VWA8: variants seen among roughly 807,000 people sequenced by gnomAD.
VWA8 encodes the protein von Willebrand factor A domain-containing protein 8.
In VWA8, 221 loss-of-function variants were observed where a neutral mutation model predicts 241.5. The observed-to-expected ratio is 0.91, with a 90% CI of 0.82 to 1.02. The LOEUF is 1.02. VWA8 is among the 50% of genes least tolerant of loss of function. The probability of loss-of-function intolerance (pLI) is 0.00; values close to 1 mark genes in which losing one functional copy is unlikely to be tolerated. For missense variants in VWA8, 2,322 were observed against 2,328.7 expected, an observed-to-expected ratio of 1.00 and a Z score of 0.06; for synonymous variants, 852 against 827.1, an observed-to-expected ratio of 1.03 and a Z score of -0.52.
At chr13:41,721,268 T>A in intron 25 of VWA8, 102 bp downstream of exon 25, 2 of 1,159,234 alleles carry the variant, frequency 1.7e-6, no homozygotes, top group East Asian at 4.7e-5. Context: ...TCTGACTCAT[T>A]ATTGTATTTA....
At chr13:41,571,952 G>C (rs1437370698) in intron 43 of VWA8, among the ~76,000 whole-genome samples, 1 of 151,866 alleles carries the variant, frequency 6.6e-6, no homozygotes, top group Non-Finnish European at 1.5e-5. Context: ...GAGCCCCTCT[G>C]ACCGGCCGCC....
At chr13:41,652,670 T>C (rs1268142723) in intron 37 of VWA8, among the ~76,000 whole-genome samples, 1 of 152,128 alleles carries the variant, frequency 6.6e-6, no homozygotes, top group Admixed American at 6.5e-5. Context: ...TAAAACCAAC[T>C]AGTGATGGAA....
At chr13:41,865,844 A>T (rs937062719) in intron 11 of VWA8, 31 bp from the exon 12 acceptor site, 10 of 1,614,070 alleles carry the variant, frequency 6.2e-6, no homozygotes, top group Non-Finnish European at 8.5e-7. Context: ...TCAAGAGGTA[A>T]GTCAAAATAA....
intron 4 of VWA8, among the ~76,000 whole-genome samples, chr13:41,892,640 T>G (rs1299941240): frequency 1.3e-5 from 2 of 151,982 alleles, no homozygotes; most frequent in East Asian, 3.9e-4. Context: ...GTTCTGAAAC[T>G]CCCCCTCATT....
intron 20 of VWA8, among the ~76,000 whole-genome samples, chr13:41,761,862 C>CA (rs914619603): frequency 2.0e-5 from 3 of 151,232 alleles, no homozygotes; most frequent in Non-Finnish European, 4.4e-5. Flanking sequence ...AATCCACCCC[C>CA]AAGCTATTTC....
intron 4 of VWA8, among the ~76,000 whole-genome samples, chr13:41,900,687 C>T (rs1162320507): frequency 6.6e-6 from 1 of 151,700 alleles, no homozygotes; most frequent in African/African-American, 2.4e-5. Context: ...CAAAGCAGTA[C>T]TGCAAAAAAA....
chr13:41,595,349 C>T (rs926645186), intron 40 of VWA8, among the ~76,000 whole-genome samples: 2 of 152,102 alleles, frequency 1.3e-5, no homozygotes, highest in Non-Finnish European at 2.9e-5. Flanking sequence ...GAGAGGGAAA[C>T]ACTTTTTCCA....
At chr13:41,934,699 A>G (rs1877271795) in intron 2 of VWA8, among the ~76,000 whole-genome samples, 1 of 152,062 alleles carries the variant, frequency 6.6e-6, no homozygotes, top group East Asian at 1.9e-4. Context: ...AAAATTCTAG[A>G]AAATCCGAAT....
At chr13:41,740,327 C>T (rs2045560638) in intron 21 of VWA8, among the ~76,000 whole-genome samples, 2 of 152,104 alleles carry the variant, frequency 1.3e-5, no homozygotes, top group Non-Finnish European at 2.9e-5. Flanking sequence ...AGCCCTATGT[C>T]ATAGTGATAT....
chr13:41,760,977 C>T, intron 21 of VWA8, 151 bp downstream of exon 21: 1 of 744,350 alleles, frequency 1.3e-6, no homozygotes. Context: ...GGTTTTATTA[C>T]CTTTAAAGGA....
rs1386037052 is a variant in VWA8, at chr13:41,865,985, T to A, written c.1264A>T (p.Ile422Leu). The change falls in exon 11 of 45, where the codon ATA (isoleucine) becomes TTA (leucine). Residue 422 changes from isoleucine to leucine, a missense_variant. Transcript: ENST00000379310. Reference protein sequence around the residue: ...LSQPCASDRFIQTLSHKQLQA... With the variant: ...LSQPCASDRFLQTLSHKQLQA... The stretch of plus-strand genomic sequence containing the variant: ...AGCTGCTTATGGCTCAAAGTCTGTA[T>A]GAAACGGTCTGACGCACAAGGTTGA... 3 of 1,614,226 alleles carry A rather than the reference T, an allele frequency of 1.9e-6. No homozygotes were observed. Among genetic ancestry groups the A allele is most frequent in the Non-Finnish European group, 2.5e-6 (3 of 1,180,048 alleles).
intron 37 of VWA8, among the ~76,000 whole-genome samples, chr13:41,662,855 C>T (rs1057060442): frequency 1.3e-5 from 2 of 151,920 alleles, no homozygotes; most frequent in Non-Finnish European, 2.9e-5. Flanking sequence ...AAATATGGTG[C>T]CAGCTGTGGT....
intron 9 of VWA8, among the ~76,000 whole-genome samples, chr13:41,877,009 G>A (rs537717505): frequency 4.4e-4 from 67 of 151,862 alleles, no homozygotes; most frequent in Non-Finnish European, 7.5e-4. Flanking sequence ...ACACATTAAC[G>A]GGTTCCAAGT....
intron 4 of VWA8, among the ~76,000 whole-genome samples, chr13:41,903,733 G>A (rs530187131): frequency 2.0e-5 from 3 of 152,294 alleles, no homozygotes; most frequent in African/African-American, 7.2e-5. Context: ...AGTGATGTAG[G>A]CCATATTACA....
chr13:41,610,137 T>G (rs527816486), intron 39 of VWA8, among the ~76,000 whole-genome samples: 1 of 152,332 alleles, frequency 6.6e-6, no homozygotes, highest in Admixed American at 6.5e-5. Flanking sequence ...GTTTTAAGGG[T>G]GGCAACAACA....
At chr13:41,890,485 T>C (rs1359971801) in intron 5 of VWA8, among the ~76,000 whole-genome samples, 1 of 152,258 alleles carries the variant, frequency 6.6e-6, no homozygotes, top group African/African-American at 2.4e-5. Context: ...ATTTGTGACA[T>C]TACATGAACC....
At chr13:41,959,818 C>T (rs1353829846) in intron 1 of VWA8, among the ~76,000 whole-genome samples, 1 of 151,828 alleles carries the variant, frequency 6.6e-6, no homozygotes, top group African/African-American at 2.4e-5. Context: ...CCGTGTTAGC[C>T]AGGATGGTCT....
In VWA8 at chr13:41,664,496, C is replaced by A. The variant is rs1360037352; in HGVS notation, c.4611+6450G>T. ...AAATTCTTAAATATAGATGCTACTA[C>A]CTTCCTTGAGTCTAAGTAAAAAAAG... On this transcript the variant is annotated intron_variant, in intron 37 of 44. Transcript: ENST00000379310. Among the ~76,000 whole-genome samples the A allele has an allele frequency of 2.7e-5, 4 of 150,784 alleles. No individual in the cohort carries two copies. The Admixed American group carries it at 2.7e-4, about 10-fold the overall frequency.
At chr13:41,941,237 A>G (rs1877582226) in intron 2 of VWA8, among the ~76,000 whole-genome samples, 1 of 152,228 alleles carries the variant, frequency 6.6e-6, no homozygotes, top group African/African-American at 2.4e-5. Context: ...GCTAATATAG[A>G]TAATACAGTG....
Sources: gnomAD v4.1 joint callset for allele counts (sites outside exome capture counted in the v4.1 genomes callset) on GRCh38, gnomAD v4.1.1 for gene constraint, MANE v1.5 for transcripts, NCBI Gene and HGNC (gene_info 2026-07-23, HGNC 2026-07-21) for gene names.